Variants in MRPL48 observed in about 807,000 individuals in gnomAD.
The protein encoded by MRPL48 is mitochondrial ribosomal protein L48.
Under a neutral mutation model 32.9 loss-of-function variants are expected in MRPL48, and 16 were observed. The ratio of observed to expected loss-of-function variants is 0.49; its 90% CI spans 0.33 to 0.74. The LOEUF (loss-of-function observed/expected upper bound fraction) is 0.74, where lower values mean the gene tolerates loss of function less well. MRPL48 is among the 30% of genes least tolerant of loss of function. MRPL48 has a pLI of 0.02. For missense variants in MRPL48, 206 were observed against 245.3 expected (o/e 0.84, Z 1.07); for synonymous variants, 94 against 89.2 (o/e 1.05, Z -0.31).
At chr11:73,815,892 A>ATTT (rs71469473) in intron 3 of MRPL48, among the ~76,000 whole-genome samples, 1 of 136,686 alleles carries the variant, frequency 7.3e-6, no homozygotes, top group Admixed American at 7.3e-5. Context: ...CTTGACTTTT[A>ATTT]TTTTTTTTTT....
At chr11:73,840,011 T>C (rs1026375745) in intron 4 of MRPL48, among the ~76,000 whole-genome samples, 2 of 150,940 alleles carry the variant, frequency 1.3e-5, no homozygotes, top group Admixed American at 6.6e-5. Flanking sequence ...GGCGGGAGGA[T>C]CACTTGAGAC....
At chr11:73,813,810 G>A (rs1947610357) in intron 3 of MRPL48, among the ~76,000 whole-genome samples, 1 of 152,166 alleles carries the variant, frequency 6.6e-6, no homozygotes, top group South Asian at 2.1e-4. Context: ...GGGAGGCCGA[G>A]GCGGGTGGAT....
chr11:73,793,188 T>C (rs1314662947), intron 1 of MRPL48, among the ~76,000 whole-genome samples: 1 of 152,134 alleles, frequency 6.6e-6, no homozygotes, highest in Non-Finnish European at 1.5e-5. Flanking sequence ...GCCTCAGCCT[T>C]CTAAGTAGCT....
intron 1 of MRPL48, among the ~76,000 whole-genome samples, chr11:73,788,472 CTTTTTTTT>C (rs11352308): frequency 1.9e-4 from 21 of 109,640 alleles, no homozygotes; most frequent in Admixed American, 7.2e-4. Context: ...TCTTTTCTTT[CTTTTTTTT>C]TTTTTTTTTT....
intron 1 of MRPL48, among the ~76,000 whole-genome samples, chr11:73,792,852 T>C (rs1947176966): frequency 6.6e-6 from 1 of 152,260 alleles, no homozygotes; most frequent in Non-Finnish European, 1.5e-5. Flanking sequence ...ATAATGCAAC[T>C]TGTACTTGTT....
intron 1 of MRPL48, among the ~76,000 whole-genome samples, chr11:73,800,587 G>A (rs565910537): frequency 4.0e-4 from 61 of 152,126 alleles, no homozygotes; most frequent in African/African-American, 1.3e-3. Flanking sequence ...ATTCGCTGGC[G>A]TCACCATCCT....
At chr11:73,853,945 C>T (rs55741027) in intron 5 of MRPL48, among the ~76,000 whole-genome samples, 2,022 of 152,114 alleles carry the variant, frequency 0.013, 18 homozygotes, top group Non-Finnish European at 0.02. Context: ...CCACCTCGGC[C>T]TCCCAAAGTG....
intron 4 of MRPL48, among the ~76,000 whole-genome samples, chr11:73,841,353 C>T (rs1168764383): frequency 2.0e-5 from 3 of 152,166 alleles, no homozygotes; most frequent in Admixed American, 1.3e-4. Flanking sequence ...ACATTGGTTG[C>T]ACTACTATTC....
intron 5 of MRPL48, among the ~76,000 whole-genome samples, chr11:73,853,168 T>C (rs1948429984): frequency 6.6e-6 from 1 of 152,130 alleles, no homozygotes; most frequent in African/African-American, 2.4e-5. Context: ...TTGAATAAGA[T>C]CTAATATTTG....
At chr11:73,844,054 G>A (rs35945680) in intron 4 of MRPL48, among the ~76,000 whole-genome samples, 8,341 of 151,766 alleles carry the variant, frequency 0.055, 254 homozygotes, top group Middle Eastern at 0.11. Context: ...ATTCCAGCCT[G>A]GGCGACAAGA....
chr11:73,829,762 ATTGTTT>A (rs945905180), intron 4 of MRPL48, among the ~76,000 whole-genome samples: 3 of 151,080 alleles, frequency 2.0e-5, no homozygotes, highest in East Asian at 2.0e-4. Flanking sequence ...GAGTGTTTTT[ATTGTTT>A]TTGTTTTTGT....
chr11:73,847,201 C>G (rs1213683654), intron 5 of MRPL48, among the ~76,000 whole-genome samples: 1 of 152,122 alleles, frequency 6.6e-6, no homozygotes, highest in African/African-American at 2.4e-5. Flanking sequence ...ACTCTTCATC[C>G]TGGTCAGCAG....
At chr11:73,836,088 C>T (rs2135034940) in intron 4 of MRPL48, among the ~76,000 whole-genome samples, 1 of 151,576 alleles carries the variant, frequency 6.6e-6, no homozygotes, top group African/African-American at 2.4e-5. Flanking sequence ...TGTGCACCTC[C>T]ATGCCCAGCT....
chr11:73,808,883 A>G (rs1371507098), intron 3 of MRPL48, among the ~76,000 whole-genome samples: 2 of 151,914 alleles, frequency 1.3e-5, no homozygotes, highest in Non-Finnish European at 2.9e-5. Context: ...AGATTACGCC[A>G]TTGCACTCCA....
At chr11:73,812,738 A>ATATATATATATATATATATATT (rs112576224) in intron 3 of MRPL48, among the ~76,000 whole-genome samples, 2 of 142,064 alleles carry the variant, frequency 1.4e-5, no homozygotes, top group African/African-American at 5.3e-5. Context: ...ATATATATAT[A>ATATATATATATATATATATATT]TATTTATTTA....
intron 4 of MRPL48, among the ~76,000 whole-genome samples, chr11:73,828,491 G>A (rs989038126): frequency 2.0e-5 from 3 of 152,052 alleles, no homozygotes; most frequent in African/African-American, 4.8e-5. Flanking sequence ...CTCCCAAAGT[G>A]CAAGGAATAC....
intron 3 of MRPL48, among the ~76,000 whole-genome samples, chr11:73,823,846 A>G (rs759421364): frequency 2.7e-5 from 4 of 150,302 alleles, no homozygotes; most frequent in Non-Finnish European, 5.9e-5. Context: ...CAATGTATAT[A>G]TATATAAAGA....
intron 1 of MRPL48, among the ~76,000 whole-genome samples, chr11:73,803,369 G>A (rs1205523123): frequency 6.6e-6 from 1 of 151,990 alleles, no homozygotes; most frequent in East Asian, 1.9e-4. Flanking sequence ...GGCCTCAAGT[G>A]ATCTGCCTGC....
At chr11:73,788,676 G>A (rs1182750976) in intron 1 of MRPL48, among the ~76,000 whole-genome samples, 1 of 151,908 alleles carries the variant, frequency 6.6e-6, no homozygotes, top group African/African-American at 2.4e-5. Flanking sequence ...GTTTCACTGT[G>A]TTGGCCAGGC....
Sources: allele counts gnomAD v4.1 joint callset (sites outside exome capture counted in the v4.1 genomes callset), GRCh38; gene constraint gnomAD v4.1.1; transcripts MANE v1.5; gene names NCBI Gene and HGNC (gene_info 2026-07-23, HGNC 2026-07-21).